The following ANO2 variants were observed in gnomAD, a reference collection of about 807,000 sequenced individuals.
ANO2 encodes anoctamin-2.
In ANO2, 101 loss-of-function variants were observed where a neutral mutation model predicts 124.2. That is an observed-to-expected ratio of 0.81 (90% CI 0.69 to 0.96). The LOEUF (loss-of-function observed/expected upper bound fraction) is 0.96. Among genes scored for constraint, ANO2 ranks in the 40% least tolerant of loss-of-function variants. The pLI, the probability that ANO2 is intolerant of heterozygous loss-of-function variation, is 0.00. For synonymous variants in ANO2, 486 were observed against 482.5 expected, an observed-to-expected ratio of 1.01 and a Z score of -0.09; for missense variants, 1,293 against 1,274.5, an observed-to-expected ratio of 1.01 and a Z score of -0.22.
intron 10 of ANO2, among the ~76,000 whole-genome samples, chr12:5,785,676 C>CACAT (rs1952519983): frequency 6.6e-6 from 1 of 151,462 alleles, no homozygotes; most frequent in African/African-American, 2.4e-5. Context: ...CACACACACA[C>CACAT]ACATACACAC....
chr12:5,716,421 A>G (rs1450197583), intron 14 of ANO2, among the ~76,000 whole-genome samples: 4 of 152,124 alleles, frequency 2.6e-5, no homozygotes, highest in Non-Finnish European at 1.5e-5. Context: ...GACTCACTAC[A>G]GGCTGCTGGG....
rs1022913608 is a variant in ANO2, at chr12:5,945,244, G to A, written c.-27C>T. The A allele has an allele frequency of 5.4e-6, 7 of 1,284,548 alleles. No individual in the cohort carries two copies. The Admixed American group carries it at 9.3e-5, about 17-fold the overall frequency. 79.6% of individuals were successfully genotyped at this position (1,284,548 alleles called of 1,614,324 possible). The stretch of plus-strand genomic sequence containing the variant: ...ATGTGGACGCAGACCCCGCCGGCCC[G>A]CGGCCGCGCGCTTCTGGGCAGGCTT... On this transcript the variant is annotated 5_prime_UTR_variant, in exon 1 of 25. Coordinates refer to ENST00000682330, the MANE Select transcript of ANO2 (RefSeq NM_001364791.2).
intron 15 of ANO2, among the ~76,000 whole-genome samples, chr12:5,640,860 G>C (rs558498577): frequency 2.3e-4 from 35 of 152,168 alleles, no homozygotes; most frequent in Admixed American, 9.2e-4. Context: ...TTGACCTAGT[G>C]ATCCCACTAC....
chr12:5,625,205 G>C (rs1054614052), intron 16 of ANO2, among the ~76,000 whole-genome samples: 1 of 152,082 alleles, frequency 6.6e-6, no homozygotes, highest in Non-Finnish European at 1.5e-5. Flanking sequence ...GGGGGAGTGC[G>C]GCACAGAGAC....
At chr12:5,580,838 G>A (rs1476911996) in intron 20 of ANO2, among the ~76,000 whole-genome samples, 2 of 152,182 alleles carry the variant, frequency 1.3e-5, no homozygotes, top group African/African-American at 2.4e-5. Flanking sequence ...TTGGTGCCCA[G>A]TAGGTTCCTG....
intron 3 of ANO2, among the ~76,000 whole-genome samples, chr12:5,877,209 A>G (rs372592327): frequency 1.3e-4 from 20 of 152,294 alleles, no homozygotes; most frequent in African/African-American, 4.8e-4. Flanking sequence ...CCTTATAAGT[A>G]GAGGAAAGGA....
intron 10 of ANO2, among the ~76,000 whole-genome samples, chr12:5,780,521 A>G (rs1487013091): frequency 6.6e-6 from 1 of 152,230 alleles, no homozygotes; most frequent in East Asian, 1.9e-4. Flanking sequence ...AAAACAGAGA[A>G]ACTTCCATTA....
intron 14 of ANO2, among the ~76,000 whole-genome samples, chr12:5,684,320 T>C (rs1349590336): frequency 6.6e-6 from 1 of 152,232 alleles, no homozygotes; most frequent in Admixed American, 6.5e-5. Flanking sequence ...AAAATATTCA[T>C]TGAGTCCCTG....
intron 16 of ANO2, among the ~76,000 whole-genome samples, chr12:5,623,877 G>C (rs1046099792): frequency 3.9e-5 from 6 of 152,188 alleles, no homozygotes; most frequent in Non-Finnish European, 8.8e-5. Context: ...ATTTGGGAAT[G>C]GGGGGTGGGT....
intron 14 of ANO2, among the ~76,000 whole-genome samples, chr12:5,693,765 A>C (rs1477284443): frequency 6.6e-6 from 1 of 152,036 alleles, no homozygotes; most frequent in Non-Finnish European, 1.5e-5. Context: ...TTTGCTCTAC[A>C]TCAGGACCTT....
chr12:5,717,999 A>G (rs543179279), intron 14 of ANO2, among the ~76,000 whole-genome samples: 2 of 152,328 alleles, frequency 1.3e-5, no homozygotes, highest in South Asian at 4.1e-4. Context: ...GAGAATCAGT[A>G]AGGAAACCAC....
intron 24 of ANO2, 109 bp from the exon 25 acceptor site, chr12:5,563,677 G>A: frequency 7.1e-7 from 1 of 1,411,622 alleles, no homozygotes; most frequent in Non-Finnish European, 9.7e-7. Context: ...CAACTTACCA[G>A]CCCAGTGATC....
At chr12:5,689,533 G>A (rs1473505024) in intron 14 of ANO2, among the ~76,000 whole-genome samples, 1 of 152,148 alleles carries the variant, frequency 6.6e-6, no homozygotes, top group Non-Finnish European at 1.5e-5. Context: ...CTGGTTCATT[G>A]ATGGTAACCT....
chr12:5,854,590 G>A (rs1450824280), intron 3 of ANO2, among the ~76,000 whole-genome samples: 1 of 152,058 alleles, frequency 6.6e-6, no homozygotes, highest in Non-Finnish European at 1.5e-5. Flanking sequence ...GTTCAAGTTT[G>A]TATTTTTGTT....
intron 14 of ANO2, among the ~76,000 whole-genome samples, chr12:5,679,242 T>G (rs1294318733): frequency 6.6e-6 from 1 of 152,104 alleles, no homozygotes; most frequent in Non-Finnish European, 1.5e-5. Context: ...GATTTCACGA[T>G]GAAAATGTCA....
In ANO2 at chr12:5,900,361, G is replaced by C. The variant is rs777881453; in HGVS notation, c.534+20679C>G. Among the ~76,000 whole-genome samples the C allele has an allele frequency of 3.3e-5, 5 of 152,156 alleles. No individual in the cohort carries two copies. The highest frequency in any genetic ancestry group is 1.2e-4 in the African/African-American group (5 of 41,428). On this transcript the variant is annotated intron_variant, in intron 3 of 24. Coordinates refer to ENST00000682330, the MANE Select transcript of ANO2 (RefSeq NM_001364791.2). This position sits in a 1 kb window ranked among gnomAD's most constrained non-coding sequence, Gnocchi z 4.2. ...CCGTTTCTGAGCCCCTCCTAGTCAC[G>C]AGAGATTTCACTTTCCATGCCCAGT...
chr12:5,671,501 CG>C (rs1434536133), intron 14 of ANO2, among the ~76,000 whole-genome samples: 1 of 6,640 alleles, frequency 1.5e-4, no homozygotes, highest in Non-Finnish European at 3.1e-4. Context: ...TGGGGGGTGG[CG>C]GGGGGGAGTG....
chr12:5,782,690 G>A (rs546535593), intron 10 of ANO2, among the ~76,000 whole-genome samples: 2 of 152,262 alleles, frequency 1.3e-5, no homozygotes, highest in South Asian at 2.1e-4. Flanking sequence ...GGGTGATTCT[G>A]GTGTGCTGCT....
At chr12:5,850,415 CA>C (rs11307572) in intron 4 of ANO2, among the ~76,000 whole-genome samples, 58,440 of 99,954 alleles carry the variant, frequency 0.58, 17,429 homozygotes, top group East Asian at 0.9. Context: ...CACTCCATCT[CA>C]AAAAAAAAAA....
Sources: gnomAD v4.1 joint callset for allele counts (sites outside exome capture counted in the v4.1 genomes callset) on GRCh38, gnomAD v4.1.1 for gene constraint, Gnocchi (gnomAD v3.1) non-coding constraint, MANE v1.5 for transcripts, NCBI Gene and HGNC (gene_info 2026-07-23, HGNC 2026-07-21) for gene names.